Variants in MTRR observed in about 807,000 individuals in gnomAD.
MTRR encodes the protein 5-methyltetrahydrofolate-homocysteine methyltransferase reductase, also known as methionine synthase reductase.
In MTRR, 63 loss-of-function variants were observed where a neutral mutation model predicts 79.2. The ratio of observed to expected loss-of-function variants is 0.80; its 90% CI spans 0.65 to 0.98. The LOEUF is 0.98. MTRR is among the 50% of genes least tolerant of loss of function. The pLI, the probability that MTRR is intolerant of heterozygous loss-of-function variation, is 0.00. For missense variants in MTRR, 895 were observed against 839.6 expected, an observed-to-expected ratio of 1.07 and a Z score of -0.82; for synonymous variants, 355 against 313.3, an observed-to-expected ratio of 1.13 and a Z score of -1.41.
At chr5:7,896,528 C>T (rs1231315939) in intron 12 of MTRR, 1 of 355,960 alleles carries the variant, frequency 2.8e-6, no homozygotes, top group African/African-American at 2.1e-5. Flanking sequence ...CCCTGAGCCA[C>T]TTTTCCATAG....
At chr5:7,896,507 G>C in intron 12 of MTRR, 1 of 326,030 alleles carries the variant, frequency 3.1e-6, no homozygotes, top group Non-Finnish European at 5.8e-6. Flanking sequence ...TACACATTCT[G>C]CCTTTAACAG....
In MTRR at chr5:7,873,399, T is replaced by A; in HGVS notation, c.156T>A (p.Pro52=). ...ATGACCTAAAAACCGAAACAGCTCC[T>A]CTTGTTGTTGTGGTTTCTACCACGG... The part of the protein sequence containing the change: ...DKYDLKTETA[P]LVVVVSTTGT... Residue 52 remains proline (P), a synonymous_variant, in exon 3 of 15, where the codon CCT becomes CCA. Transcript: ENST00000440940. 3.7e-6 allele frequency: 6 copies of A among 1,614,134 alleles called. No homozygotes were observed. The highest frequency in any genetic ancestry group is 5.1e-6 in the Non-Finnish European group (6 of 1,180,022).
At chr5:7,858,646 A>G (rs142644943) in intron 1 of MTRR, among the ~76,000 whole-genome samples, 83 of 152,272 alleles carry the variant, frequency 5.5e-4, no homozygotes, top group Admixed American at 3.0e-3. Flanking sequence ...TGTGCAAGGC[A>G]CTTTTCTAAG....
At chr5:7,881,188 C>G (rs910268089) in intron 5 of MTRR, among the ~76,000 whole-genome samples, 5 of 152,062 alleles carry the variant, frequency 3.3e-5, no homozygotes, top group African/African-American at 1.2e-4. Flanking sequence ...GTGTTCTGCC[C>G]TCCTCAATTT....
rs2126644442 is a variant in MTRR at position 7,870,842 on chromosome 5, G to A, written c.48G>A (p.Lys16=). The change falls in exon 2 of 15, where the codon AAG becomes AAA. Residue 16 remains lysine (K), a synonymous_variant. Transcript: ENST00000440940. ...LLYATQQGQA[K]AIAEEICEQA... is the part of the protein sequence containing the mutation. ...ATGCTACACAGCAGGGACAGGCAAAGGCCATCGCAGAAGAAATATGTGAGC... is the reference window on the plus strand; with the variant it reads ...ATGCTACACAGCAGGGACAGGCAAAAGCCATCGCAGAAGAAATATGTGAGC... The A allele has an allele frequency of 6.2e-7, 1 of 1,614,224 alleles. No homozygotes were observed. Among genetic ancestry groups the A allele is most frequent in the Non-Finnish European group, 8.5e-7 (1 of 1,180,044 alleles).
upstream of MTRR, chr5:7,867,065 G>A (rs139660750): frequency 3.7e-5 from 60 of 1,613,932 alleles, no homozygotes; most frequent in Middle Eastern, 1.6e-4. Context: ...ATATATGAAC[G>A]CCTCCAAGAC....
At chr5:7,857,740 T>A (rs1746292389) in intron 1 of MTRR, among the ~76,000 whole-genome samples, 1 of 152,196 alleles carries the variant, frequency 6.6e-6, no homozygotes. Context: ...CTTTCCTATT[T>A]GGCCCTAGAG....
At chr5:7,871,152 T>G (rs1173824181) in intron 2 of MTRR, among the ~76,000 whole-genome samples, 1 of 31,876 alleles carries the variant, frequency 3.1e-5, no homozygotes, top group Non-Finnish European at 5.6e-5. Context: ...TAACAACTCC[T>G]TAACTGTAAA....
At position 7,889,275 on chromosome 5, in the gene MTRR, G is replaced by T; in HGVS notation, c.1327G>T (p.Glu443Ter). ...SCQPPLSLLL[E>*]HLPKLQPRPY... ...CCAGCCACCACTCAGTCTCCTGCTC[G>T]GTGAGTAGTCGCTTTCACAAGCACC... Residue 443 changes from glutamate (E) to a stop codon, truncating the protein, a stop_gained and splice_region_variant, in exon 9 of 15, where the codon GAA becomes TAA. Transcript: ENST00000440940. LOFTEE classifies it high-confidence loss of function. 6.2e-7 allele frequency: 1 copy of T among 1,612,508 alleles called. No homozygotes were observed. The highest frequency in any genetic ancestry group is 8.5e-7 in the Non-Finnish European group (1 of 1,179,982).
chr5:7,897,705 A>G (rs1169851776), intron 14 of MTRR, among the ~76,000 whole-genome samples: 2 of 152,240 alleles, frequency 1.3e-5, no homozygotes, highest in African/African-American at 4.8e-5. Context: ...GATAAAGTTG[A>G]AACGTTCTGT....
chr5:7,880,424 A>G (rs968053583), intron 5 of MTRR, among the ~76,000 whole-genome samples: 3 of 152,202 alleles, frequency 2.0e-5, no homozygotes, highest in Non-Finnish European at 2.9e-5. Flanking sequence ...AGGCCATGCT[A>G]GTCTACTTTG....
intron 14 of MTRR, 101 bp downstream of exon 14, chr5:7,897,348 T>G: frequency 8.4e-7 from 1 of 1,194,898 alleles, no homozygotes; most frequent in Non-Finnish European, 1.2e-6. Context: ...TATGTAGGGA[T>G]AAGACATTTG....
intron 7 of MTRR, 92 bp from the exon 8 acceptor site, chr5:7,886,523 G>T: frequency 3.0e-6 from 3 of 994,534 alleles, no homozygotes; most frequent in Non-Finnish European, 1.6e-6. Flanking sequence ...GCGCTGTAAA[G>T]TACTACAGTA....
chr5:7,881,494 CAAGGGAATCTGGGTAGGAAGATTTTT>C (rs1735591112), intron 5 of MTRR, among the ~76,000 whole-genome samples: 2 of 152,116 alleles, frequency 1.3e-5, no homozygotes, highest in African/African-American at 2.4e-5. Flanking sequence ...TCAAAGAGTT[CAAGGGAATCTGGGTAGGAAGATTTTT>C]AAGGGAATCT....
At position 7,891,317 on chromosome 5, in the gene MTRR, A is replaced by G. The variant is rs1460113442; in HGVS notation, c.1328-55A>G. ...TTTTTTTTTTTTTTTTTTTTTAGGT[A>G]AGGTTATTTTCAGTAGTAGTGAATT... On this transcript the variant is annotated intron_variant, in intron 9 of 14. Transcript: ENST00000440940. The G allele has an allele frequency of 5.7e-6, 4 of 696,694 alleles. No homozygotes were observed. The African/African-American group carries it at 5.8e-5, about 10-fold the overall frequency. 43.2% of individuals were successfully genotyped at this position (696,694 alleles called of 1,614,324 possible). A position where few individuals can be genotyped will look rare whatever the true frequency, so the allele number is the denominator to read the frequency against.
chr5:7,871,767 C>T (rs921380695), intron 2 of MTRR, among the ~76,000 whole-genome samples: 2 of 152,182 alleles, frequency 1.3e-5, no homozygotes, highest in African/African-American at 2.4e-5. Flanking sequence ...AGCCCTGCCA[C>T]GGTAACTCTG....
intron 9 of MTRR, among the ~76,000 whole-genome samples, chr5:7,890,781 A>C (rs1261613739): frequency 6.6e-6 from 1 of 152,210 alleles, no homozygotes; most frequent in Non-Finnish European, 1.5e-5. Context: ...TCAATATTTA[A>C]ATACAGATTA....
chr5:7,854,160 A>G (rs1003298025), intron 1 of MTRR, among the ~76,000 whole-genome samples: 1 of 152,034 alleles, frequency 6.6e-6, no homozygotes, highest in African/African-American at 2.4e-5. Flanking sequence ...TAGGCTCCTC[A>G]TGTCTGTACT....
chr5:7,868,809 G>C (rs1747280667), upstream of MTRR, among the ~76,000 whole-genome samples: 1 of 152,224 alleles, frequency 6.6e-6, no homozygotes, highest in Non-Finnish European at 1.5e-5. Flanking sequence ...AGGCCCCGCG[G>C]CGCGTTTTCC....
Sources: allele counts gnomAD v4.1 joint callset (sites outside exome capture counted in the v4.1 genomes callset), GRCh38; gene constraint gnomAD v4.1.1; transcripts MANE v1.5; gene names NCBI Gene and HGNC (gene_info 2026-07-23, HGNC 2026-07-21).